Variants in MAST4 observed in about 807,000 individuals in gnomAD.
The protein encoded by MAST4 is microtubule-associated serine/threonine-protein kinase 4.
In MAST4, 89 loss-of-function variants were observed where a neutral mutation model predicts 162.7. That is an observed-to-expected ratio of 0.55 (90% CI 0.46 to 0.65). The LOEUF is 0.65. MAST4 is among the 30% of genes least tolerant of loss of function. MAST4 has a pLI of 0.00. For synonymous variants in MAST4, 1,479 were observed against 1,361.1 expected (o/e 1.09, Z -1.91); for missense variants, 3,153 against 3,374.0 (o/e 0.93, Z 1.62).
At chr5:67,021,171 C>A (rs746906007) in intron 4 of MAST4, among the ~76,000 whole-genome samples, 1 of 152,160 alleles carries the variant, frequency 6.6e-6, no homozygotes, top group African/African-American at 2.4e-5. Context: ...ACAGCCCTAC[C>A]CCACTTCTGG....
At chr5:66,909,185 A>G (rs1403541079) in intron 4 of MAST4, among the ~76,000 whole-genome samples, 2 of 151,990 alleles carry the variant, frequency 1.3e-5, no homozygotes, top group Admixed American at 6.6e-5. Context: ...GGGGCAGTTG[A>G]CCCCACGTCC....
chr5:67,078,431 C>A (rs1761943535), intron 5 of MAST4, among the ~76,000 whole-genome samples: 1 of 150,670 alleles, frequency 6.6e-6, no homozygotes, highest in South Asian at 2.1e-4. Context: ...CACAAATCGT[C>A]AGTTAACATT....
At chr5:66,811,631 A>T (rs1279462066) in intron 3 of MAST4, among the ~76,000 whole-genome samples, 2 of 152,216 alleles carry the variant, frequency 1.3e-5, no homozygotes, top group Admixed American at 1.3e-4. Context: ...CTGTTATCTT[A>T]AGCTTTTTAG....
intron 3 of MAST4, 70 bp downstream of exon 3, chr5:66,788,864 TGAG>T (rs1373542839): frequency 4.8e-6 from 7 of 1,445,250 alleles, no homozygotes; most frequent in Non-Finnish European, 6.4e-6. Context: ...TTAAGTTAAT[TGAG>T]TTTAACTATA....
At chr5:67,028,887 AG>A (rs1419165331) in intron 4 of MAST4, among the ~76,000 whole-genome samples, 1 of 152,096 alleles carries the variant, frequency 6.6e-6, no homozygotes, top group Admixed American at 6.6e-5. Flanking sequence ...CCAGCACATT[AG>A]GAGGCCCAAG....
chr5:66,615,705 T>G (rs1307799667), intron 1 of MAST4, among the ~76,000 whole-genome samples: 1 of 151,866 alleles, frequency 6.6e-6, no homozygotes, highest in Non-Finnish European at 1.5e-5. Context: ...CCCAGCTACT[T>G]GGAAGGTTGA....
At chr5:67,102,791 G>T (rs1332264898) in intron 9 of MAST4, among the ~76,000 whole-genome samples, 180 bp downstream of exon 9, 1 of 152,316 alleles carries the variant, frequency 6.6e-6, no homozygotes, top group Middle Eastern at 3.4e-3. Context: ...GCTAACAACT[G>T]CTGAGAACTA....
At chr5:66,775,957 T>C (rs766494839) in intron 2 of MAST4, among the ~76,000 whole-genome samples, 12 of 152,210 alleles carry the variant, frequency 7.9e-5, no homozygotes, top group African/African-American at 1.2e-4. Context: ...TACATAGATA[T>C]TGTTGAGAAA....
At chr5:67,162,822 G>A (rs774345509) in intron 28 of MAST4, 34 bp downstream of exon 28, 1 of 1,597,410 alleles carries the variant, frequency 6.3e-7, no homozygotes, top group South Asian at 1.1e-5. Context: ...CAGCAGAGGG[G>A]AGGGGAGGTA....
rs1757651136 is a variant in MAST4, at chr5:66,832,196, T to G, written c.642+43402T>G. ...CTGGCATCATCTTCTCATGATCACC[T>G]CCCCACACACGCCCCCCAATTAAAT... On this transcript the variant is annotated intron_variant, in intron 3 of 28. Coordinates refer to ENST00000403625, the MANE Select transcript of MAST4 (RefSeq NM_001164664.2). 5.3e-5 allele frequency among the ~76,000 whole-genome samples: 8 copies of G among 151,850 alleles called. No individual in the cohort carries two copies. In the South Asian group the frequency reaches 1.7e-3, roughly 32 times the overall value.
intron 26 of MAST4, among the ~76,000 whole-genome samples, chr5:67,158,691 A>C (rs1772833073): frequency 6.6e-6 from 1 of 152,246 alleles, no homozygotes; most frequent in Non-Finnish European, 1.5e-5. Flanking sequence ...AGAAATACAA[A>C]TAACCAAACT....
intron 2 of MAST4, 58 bp from the exon 3 acceptor site, chr5:66,788,612 C>CAAAAAAAA: frequency 3.1e-6 from 4 of 1,283,472 alleles, no homozygotes; most frequent in Non-Finnish European, 3.3e-6. Flanking sequence ...ACCCCCATTG[C>CAAAAAAAA]AATAAGACTA....
At chr5:66,994,489 C>T (rs1339417730) in intron 4 of MAST4, among the ~76,000 whole-genome samples, 2 of 152,216 alleles carry the variant, frequency 1.3e-5, no homozygotes, top group Non-Finnish European at 2.9e-5. Flanking sequence ...TCATTTGTCA[C>T]TCACCTGTCA....
chr5:66,696,060 G>C (rs1475798223), intron 1 of MAST4, among the ~76,000 whole-genome samples: 1 of 152,194 alleles, frequency 6.6e-6, no homozygotes, highest in Non-Finnish European at 1.5e-5. Context: ...CAGGGACATG[G>C]ATAGAGGTGG....
intron 1 of MAST4, among the ~76,000 whole-genome samples, chr5:66,746,013 G>C (rs1180523436): frequency 6.6e-6 from 1 of 152,106 alleles, no homozygotes; most frequent in South Asian, 2.1e-4. Context: ...TTTGGGTTCT[G>C]GTCTGCGTTC....
chr5:66,629,135 G>C (rs540580704), intron 1 of MAST4, among the ~76,000 whole-genome samples: 1 of 152,208 alleles, frequency 6.6e-6, no homozygotes, highest in East Asian at 1.9e-4. Flanking sequence ...CGGAAATTGA[G>C]CCTGCATTGA....
intron 14 of MAST4, among the ~76,000 whole-genome samples, chr5:67,127,056 G>T (rs1232229335): frequency 6.6e-6 from 1 of 151,856 alleles, no homozygotes; most frequent in Non-Finnish European, 1.5e-5. Flanking sequence ...TCTATTACTG[G>T]TGTATAGGAT....
At chr5:66,915,802 G>A (rs1764078277) in intron 4 of MAST4, among the ~76,000 whole-genome samples, 1 of 152,216 alleles carries the variant, frequency 6.6e-6, no homozygotes, top group Non-Finnish European at 1.5e-5. Flanking sequence ...CTGGCTGCAG[G>A]CTTCCTTCCT....
intron 4 of MAST4, among the ~76,000 whole-genome samples, chr5:66,966,325 A>G (rs1746727571): frequency 6.6e-6 from 1 of 152,228 alleles, no homozygotes; most frequent in Non-Finnish European, 1.5e-5. Context: ...GGAATGTACT[A>G]AGTGTTTGAA....
Sources: gnomAD v4.1 joint callset for allele counts (sites outside exome capture counted in the v4.1 genomes callset) on GRCh38, gnomAD v4.1.1 for gene constraint, MANE v1.5 for transcripts, NCBI Gene and HGNC (gene_info 2026-07-23, HGNC 2026-07-21) for gene names.